SASH1: variants seen among roughly 807,000 people sequenced by gnomAD.
SASH1 encodes the protein SAM and SH3 domain containing 1.
In SASH1, 44 loss-of-function variants were observed where a neutral mutation model predicts 125.2. That is an observed-to-expected ratio of 0.35 (90% CI 0.28 to 0.45). The LOEUF is 0.45. SASH1 is among the 20% of genes least tolerant of loss of function. The pLI, the probability that SASH1 is intolerant of heterozygous loss-of-function variation, is 1.00. For missense variants in SASH1, 1,426 were observed against 1,614.5 expected (o/e 0.88, Z 2.00); for synonymous variants, 639 against 649.1 (o/e 0.98, Z 0.24).
chr6:148,545,987 G>A (rs887276293), intron 18 of SASH1, 28 bp from the exon 19 acceptor site: 3 of 1,607,552 alleles, frequency 1.9e-6, no homozygotes, highest in Middle Eastern at 1.7e-4. Context: ...TATGACTCTT[G>A]ATGTCATATT....
At chr6:148,248,495 A>G in the SASH1 span, among the ~76,000 whole-genome samples, 3,420 of 152,132 alleles carry the variant, frequency 0.022, 125 homozygotes, top group African/African-American at 0.078. Context: ...CTCAAAATCT[A>G]CCCTCTACCT....
chr6:148,506,978 GACAAAT>G (rs1779835670), intron 8 of SASH1, among the ~76,000 whole-genome samples: 1 of 152,160 alleles, frequency 6.6e-6, no homozygotes, highest in South Asian at 2.1e-4. Context: ...CTAAGCTTTG[GACAAAT>G]ACAAGTGTTG....
At chr6:148,484,377 C>T (rs996358056) in intron 7 of SASH1, among the ~76,000 whole-genome samples, 1 of 151,988 alleles carries the variant, frequency 6.6e-6, no homozygotes, top group Admixed American at 6.6e-5. Flanking sequence ...TTTTATAACT[C>T]CTGGAATTAA....
At chr6:148,233,241 GCA>G in the SASH1 span, among the ~76,000 whole-genome samples, 6 of 150,322 alleles carry the variant, frequency 4.0e-5, no homozygotes, top group Non-Finnish European at 1.5e-5. Flanking sequence ...AAATAGTGAA[GCA>G]CAGCCAAGGG....
At chr6:148,407,922 C>T (rs999443590) in intron 2 of SASH1, among the ~76,000 whole-genome samples, 2 of 152,180 alleles carry the variant, frequency 1.3e-5, no homozygotes, top group South Asian at 2.1e-4. Flanking sequence ...CGTGAGCCAC[C>T]GCACCCAGCT....
chr6:148,392,528 C>G (rs2114837342), intron 2 of SASH1, among the ~76,000 whole-genome samples: 2 of 152,272 alleles, frequency 1.3e-5, no homozygotes, highest in East Asian at 1.9e-4. Context: ...TACCACTGCC[C>G]TATATTGTGC....
chr6:148,224,256 A>ACTGCTCACTCCAGC, the SASH1 span, among the ~76,000 whole-genome samples: 3 of 152,126 alleles, frequency 2.0e-5, no homozygotes, highest in Non-Finnish European at 2.9e-5. Context: ...TGATCATGCA[A>ACTGCTCACTCCAGC]CTGCTCACTC....
intron 1 of SASH1, among the ~76,000 whole-genome samples, chr6:148,299,601 C>T (rs1349688488): frequency 6.8e-6 from 1 of 147,232 alleles, no homozygotes; most frequent in Non-Finnish European, 1.5e-5. Context: ...TGGGAGGTGG[C>T]GGTTGCAGTG....
At chr6:148,515,573 T>C (rs1279337337) in intron 9 of SASH1, among the ~76,000 whole-genome samples, 1 of 152,216 alleles carries the variant, frequency 6.6e-6, no homozygotes, top group Non-Finnish European at 1.5e-5. Context: ...AGAAATCAGC[T>C]TTGTGGCCAA....
At chr6:148,346,674 C>G (rs1276955883) in intron 1 of SASH1, among the ~76,000 whole-genome samples, 1 of 152,162 alleles carries the variant, frequency 6.6e-6, no homozygotes, top group African/African-American at 2.4e-5. Flanking sequence ...TCTGTCAAGA[C>G]ACATGTGCCT....
the SASH1 span, among the ~76,000 whole-genome samples, chr6:148,261,292 C>A: frequency 1.3e-5 from 2 of 152,126 alleles, no homozygotes; most frequent in African/African-American, 4.8e-5. Flanking sequence ...CTGTACCACC[C>A]AAGCTTCCTG....
chr6:148,319,561 G>A lies in SASH1; in HGVS notation n.74+47184G>A, dbSNP rs2114568710. 2.0e-5 allele frequency among the ~76,000 whole-genome samples: 3 copies of A among 152,112 alleles called. 1 individual carries two copies. In the South Asian group the frequency reaches 6.2e-4, roughly 32 times the overall value. On this transcript the variant is annotated intron_variant and non_coding_transcript_variant, in intron 1 of 3. Coordinates refer to the SASH1 transcript ENST00000367469. ...GATGGAGTTTTGCTCTTGTTGCCCA[G>A]GCTGGAGTGCAATGGCATGATCTCG...
the SASH1 span, among the ~76,000 whole-genome samples, chr6:148,238,013 T>A: frequency 6.6e-6 from 1 of 152,152 alleles, no homozygotes; most frequent in Non-Finnish European, 1.5e-5. Context: ...AGGGTGGCCC[T>A]AGCTAGAGCT....
At chr6:148,474,422 A>C (rs1469674615) in intron 7 of SASH1, among the ~76,000 whole-genome samples, 200 bp downstream of exon 7, 1 of 152,222 alleles carries the variant, frequency 6.6e-6, no homozygotes, top group Non-Finnish European at 1.5e-5. Context: ...ATGAATGGCA[A>C]ATATTTTTGA....
intron 2 of SASH1, among the ~76,000 whole-genome samples, chr6:148,391,652 T>C (rs1478062057): frequency 1.3e-5 from 2 of 152,208 alleles, no homozygotes; most frequent in African/African-American, 4.8e-5. Context: ...TTTGGACTTG[T>C]ATGTGATAAA....
chr6:148,408,916 G>C (rs1279025898), intron 2 of SASH1, among the ~76,000 whole-genome samples: 3 of 152,138 alleles, frequency 2.0e-5, no homozygotes, highest in Non-Finnish European at 4.4e-5. Flanking sequence ...GAAGTGATTT[G>C]CTTTGGAGAA....
chr6:148,216,580 C>T, the SASH1 span, among the ~76,000 whole-genome samples: 1 of 152,164 alleles, frequency 6.6e-6, no homozygotes, highest in Non-Finnish European at 1.5e-5. Context: ...CCGCTGGCAT[C>T]TGGGGACATT....
At chr6:148,390,945 CTCTT>C (rs1467018595) in intron 2 of SASH1, among the ~76,000 whole-genome samples, 1 of 150,964 alleles carries the variant, frequency 6.6e-6, no homozygotes, top group East Asian at 1.9e-4. Flanking sequence ...TTCTTTTCTT[CTCTT>C]TTTCTTTTCT....
chr6:148,465,771 AC>A (rs957034247), intron 4 of SASH1, among the ~76,000 whole-genome samples: 6 of 152,108 alleles, frequency 3.9e-5, no homozygotes, highest in Non-Finnish European at 8.8e-5. Flanking sequence ...CTTAGCAGAA[AC>A]CCTTCTTTCT....
Sources: gnomAD v4.1 joint callset for allele counts (sites outside exome capture counted in the v4.1 genomes callset) on GRCh38, gnomAD v4.1.1 for gene constraint, MANE v1.5 for transcripts, NCBI Gene and HGNC (gene_info 2026-07-23, HGNC 2026-07-21) for gene names.